Variants in EBF4 observed in about 807,000 individuals in gnomAD.
EBF4 encodes the protein transcription factor COE4.
A neutral mutation model predicts 67.1 loss-of-function variants in EBF4; 34 were observed. That is an observed-to-expected ratio of 0.51 (90% CI 0.39 to 0.67). EBF4 has a LOEUF of 0.67. Ranked by LOEUF, EBF4 falls within the 30% of genes least tolerant of loss-of-function variation. The pLI, the probability that EBF4 is intolerant of heterozygous loss-of-function variation, is 0.00. For synonymous variants in EBF4, 387 were observed against 377.7 expected, an observed-to-expected ratio of 1.02 and a Z score of -0.29; for missense variants, 837 against 873.3, an observed-to-expected ratio of 0.96 and a Z score of 0.52.
intron 6 of EBF4, among the ~76,000 whole-genome samples, chr20:2,742,737 C>T (rs1302561611): frequency 2.0e-5 from 3 of 152,120 alleles, no homozygotes; most frequent in Non-Finnish European, 2.9e-5. Context: ...AACGGGCTTT[C>T]CTAGACTCCT....
At position 2,705,662 on chromosome 20, in the gene EBF4, A is replaced by G. The variant is rs568865352; in HGVS notation, c.223A>G (p.Met75Val). 7 of 1,552,714 alleles carry G rather than the reference A, an allele frequency of 4.5e-6. No homozygotes were observed. In the East Asian group the frequency reaches 1.2e-4, roughly 27 times the overall value. The change falls in exon 2 of 17, where the codon ATG becomes GTG. Residue 75 changes from methionine to valine, a missense_variant. By Grantham distance (21) the Met-to-Val change is conservative (BLOSUM62 1). This residue lies in a region of EBF4 where 226 missense variants were observed against 306.5 expected (regional missense o/e 0.74). Coordinates refer to ENST00000609451, the Ensembl canonical transcript of EBF4. ...CAACTTCTTCCACTTCGTGCTGGCC[A>G]TGTACGACCGGCAGGGGCAGCCCGT...
chr20:2,757,949 CTG>C (rs2088270781), intron 15 of EBF4, among the ~76,000 whole-genome samples: 2 of 152,206 alleles, frequency 1.3e-5, no homozygotes, highest in Admixed American at 1.3e-4. Flanking sequence ...GAGCAAGACT[CTG>C]TCTCAGTAAA....
In EBF4 at chr20:2,707,368, G is replaced by T. The variant is rs2087473121; in HGVS notation, c.415-579G>T. 6.6e-6 allele frequency among the ~76,000 whole-genome samples: 1 copy of T among 152,132 alleles called. No individual in the cohort carries two copies. Among genetic ancestry groups the T allele is most frequent in the Non-Finnish European group, 1.5e-5 (1 of 68,012 alleles). ...TCTTGCTTCTGGGCAGAGGGAGGCT[G>T]GAAGACTGGTGAGGAGGTGATGCAG... On this transcript the variant is annotated intron_variant, in intron 4 of 16. Transcript: ENST00000609451. The surrounding 1 kb of genome is among the most constrained non-coding windows in gnomAD (Gnocchi z 4.6).
chr20:2,743,384 C>T (rs1183863239), intron 6 of EBF4, among the ~76,000 whole-genome samples: 1 of 152,246 alleles, frequency 6.6e-6, no homozygotes, highest in Non-Finnish European at 1.5e-5. Context: ...TCCTCTAATT[C>T]CAGGTCCAGC....
intron 6 of EBF4, among the ~76,000 whole-genome samples, chr20:2,737,055 C>G (rs1009722512): frequency 1.3e-5 from 2 of 151,886 alleles, no homozygotes; most frequent in African/African-American, 4.8e-5. Flanking sequence ...GGAGACCATC[C>G]TGGCTAACAC....
At chr20:2,706,393 C>T (rs931439257) in intron 4 of EBF4, 129 bp downstream of exon 4, 160 of 1,050,056 alleles carry the variant, frequency 1.5e-4, no homozygotes, top group Admixed American at 4.5e-4. Context: ...CAGCCTAGCT[C>T]CCCCAGTTCC....
At chr20:2,697,498 TCGCG>T (rs1354157277) in intron 1 of EBF4, among the ~76,000 whole-genome samples, 2 of 150,180 alleles carry the variant, frequency 1.3e-5, no homozygotes, top group Admixed American at 1.3e-4. Flanking sequence ...TGAGCCGAGA[TCGCG>T]CCACTGCACT....
intron 1 of EBF4, among the ~76,000 whole-genome samples, chr20:2,699,224 A>T (rs941578719): frequency 5.9e-5 from 9 of 152,184 alleles, no homozygotes; most frequent in African/African-American, 2.2e-4. Flanking sequence ...AGGCATCTGC[A>T]TACACTCTGG....
In EBF4 at chr20:2,754,250, C is replaced by T. The variant is rs190218178; in HGVS notation, c.1541-1377C>T. 4.3e-3 allele frequency among the ~76,000 whole-genome samples: 658 copies of T among 152,260 alleles called. 3 individuals are homozygous for T. Among genetic ancestry groups the T allele is most frequent in the Non-Finnish European group, 7.8e-3 (531 of 68,016 alleles). On this transcript the variant is annotated intron_variant, in intron 14 of 16. Coordinates refer to ENST00000609451, the Ensembl canonical transcript of EBF4. The stretch of plus-strand genomic sequence containing the variant: ...TGGCCCGACTCCAAGGGGTGTCATT[C>T]TCATTGAGTTTGCGAGAACATTCCT...
intron 1 of EBF4, among the ~76,000 whole-genome samples, chr20:2,697,899 C>T (rs2087319407): frequency 6.6e-6 from 1 of 152,238 alleles, no homozygotes; most frequent in Admixed American, 6.5e-5. Context: ...TGGAGCTGAT[C>T]CCTGCACACT....
intron 6 of EBF4, among the ~76,000 whole-genome samples, chr20:2,738,487 A>G (rs910376782): frequency 9.9e-5 from 15 of 152,082 alleles, no homozygotes; most frequent in African/African-American, 3.1e-4. Flanking sequence ...GTGTGGGTGC[A>G]TGTGTACATC....
chr20:2,721,789 GT>G (rs1336045810), intron 6 of EBF4, among the ~76,000 whole-genome samples: 1 of 152,146 alleles, frequency 6.6e-6, no homozygotes, highest in African/African-American at 2.4e-5. Context: ...ATAAAACACA[GT>G]TATAATAACT....
intron 6 of EBF4, among the ~76,000 whole-genome samples, chr20:2,722,857 T>A (rs1254215476): frequency 6.6e-6 from 1 of 152,256 alleles, no homozygotes; most frequent in African/African-American, 2.4e-5. Flanking sequence ...TGTTTCTTAA[T>A]TTCCAAATAT....
At chr20:2,752,327 G>A (rs2088166507) in intron 13 of EBF4, 30 bp from the exon 14 acceptor site, 1 of 1,198,830 alleles carries the variant, frequency 8.3e-7, no homozygotes, top group Non-Finnish European at 1.0e-6. Context: ...GGCCGGCACC[G>A]CCCCCTGACG....
chr20:2,750,887 C>T (rs1196436879), intron 10 of EBF4, among the ~76,000 whole-genome samples: 1 of 152,136 alleles, frequency 6.6e-6, no homozygotes, highest in Admixed American at 6.5e-5. Context: ...AAGGACCGAT[C>T]CCCAGAAGTG....
At position 2,745,736 on chromosome 20, in the gene EBF4, C is replaced by G. The variant is rs111515593; in HGVS notation, c.558-2813C>G. On this transcript the variant is annotated intron_variant, in intron 6 of 16. Transcript: ENST00000609451. This position sits in a 1 kb window ranked among gnomAD's most constrained non-coding sequence, Gnocchi z 5.2. ...CAGGACTAGAAGGTGTCACGGCAGCCGTCAATCGCTACTCTCCCTTCATGG... is the reference window on the plus strand; with the variant it reads ...CAGGACTAGAAGGTGTCACGGCAGCGGTCAATCGCTACTCTCCCTTCATGG... 0.012 allele frequency among the ~76,000 whole-genome samples: 1,825 copies of G among 152,210 alleles called. 41 individuals are homozygous for G. Among genetic ancestry groups the G allele is most frequent in the African/African-American group, 0.041 (1,685 of 41,490 alleles).
intron 6 of EBF4, among the ~76,000 whole-genome samples, chr20:2,734,894 A>C (rs1311391912): frequency 6.6e-6 from 1 of 152,210 alleles, no homozygotes; most frequent in Non-Finnish European, 1.5e-5. Context: ...GATAAACCAG[A>C]GGTGAGAGAC....
At chr20:2,750,011 G>C (rs2146499408) in intron 10 of EBF4, 38 bp downstream of exon 10, 2 of 1,520,996 alleles carry the variant, frequency 1.3e-6, no homozygotes, top group East Asian at 2.5e-5. Context: ...TCTAAGGTGC[G>C]CGGAGGGAGC....
intron 6 of EBF4, among the ~76,000 whole-genome samples, chr20:2,737,161 A>G (rs1423732335): frequency 2.0e-5 from 3 of 151,068 alleles, no homozygotes; most frequent in Non-Finnish European, 4.4e-5. Flanking sequence ...GAGGCAGGAG[A>G]ATGGCGTGAA....
Sources: allele counts gnomAD v4.1 joint callset (sites outside exome capture counted in the v4.1 genomes callset), GRCh38; gene constraint gnomAD v4.1.1; regional missense constraint gnomAD v4.1.1; non-coding constraint Gnocchi (gnomAD v3.1); transcripts MANE v1.5; gene names NCBI Gene and HGNC (gene_info 2026-07-23, HGNC 2026-07-21).